The following DLG2 variants were observed in gnomAD, a reference collection of about 807,000 sequenced individuals.
DLG2 encodes discs large MAGUK scaffold protein 2, also known as disks large homolog 2.
A neutral mutation model predicts 132.5 loss-of-function variants in DLG2; 45 were observed. That is an observed-to-expected ratio of 0.34 (90% CI 0.27 to 0.44). The LOEUF (loss-of-function observed/expected upper bound fraction) is 0.44. Ranked by LOEUF, DLG2 falls within the 20% of genes least tolerant of loss-of-function variation. The pLI is 1.00. For missense variants in DLG2, 1,045 were observed against 1,196.9 expected, an observed-to-expected ratio of 0.87 and a Z score of 1.87; for synonymous variants, 424 against 419.6, an observed-to-expected ratio of 1.01 and a Z score of -0.13.
chr11:84,015,194 T>C (rs1441221825), intron 11 of DLG2, among the ~76,000 whole-genome samples: 1 of 152,178 alleles, frequency 6.6e-6, no homozygotes, highest in Non-Finnish European at 1.5e-5. Context: ...CAGAGGCTAC[T>C]ATGGCTTAAT....
chr11:85,385,529 T>A (rs2086252512), intron 3 of DLG2, among the ~76,000 whole-genome samples: 1 of 152,170 alleles, frequency 6.6e-6, no homozygotes, highest in African/African-American at 2.4e-5. Context: ...GAAATTCCAA[T>A]CTAATGATAA....
rs114170819 is a variant in DLG2, at chr11:84,288,671, C to T, written c.520-37380G>A. On this transcript the variant is annotated intron_variant, in intron 7 of 27. Transcript: ENST00000376104. ...TGCATAGAGAATGCTAATGTATCAA[C>T]AGAAAAACCCCTAAATGAAACGAAA... Among the ~76,000 whole-genome samples the T allele has an allele frequency of 2.6e-3, 395 of 152,146 alleles. 1 individual carries two copies. Among genetic ancestry groups the T allele is most frequent in the African/African-American group, 9.0e-3 (375 of 41,526 alleles).
intron 9 of DLG2, among the ~76,000 whole-genome samples, chr11:84,158,057 G>C (rs1201483210): frequency 1.3e-5 from 2 of 150,410 alleles, no homozygotes; most frequent in African/African-American, 2.5e-5. Context: ...CTCTATTTGT[G>C]TTTTGTTTTT....
chr11:85,199,288 A>G (rs1253791524), intron 4 of DLG2, among the ~76,000 whole-genome samples: 5 of 152,204 alleles, frequency 3.3e-5, no homozygotes, highest in African/African-American at 1.2e-4. Flanking sequence ...GCAAGATAAG[A>G]CTGACACCAA....
intron 6 of DLG2, among the ~76,000 whole-genome samples, chr11:84,714,623 TTCTCTCTCTCTCTCTCTC>T (rs1284319609): frequency 1.9e-5 from 2 of 104,994 alleles, no homozygotes; most frequent in African/African-American, 8.5e-5. Context: ...CTCTTTCTCT[TTCTCTCTCTCTCTCTCTC>T]TCTCTTTCTC....
chr11:85,588,888 C>T (rs1565726472), intron 3 of DLG2, among the ~76,000 whole-genome samples: 1 of 152,134 alleles, frequency 6.6e-6, no homozygotes, highest in East Asian at 1.9e-4. Context: ...ACTGCCCCTT[C>T]CCCTAGGGAT....
At chr11:83,465,118 TTTATA>T (rs2090781344) in intron 26 of DLG2, among the ~76,000 whole-genome samples, 1 of 152,148 alleles carries the variant, frequency 6.6e-6, no homozygotes, top group Non-Finnish European at 1.5e-5. Context: ...GGAAAAACTC[TTTATA>T]TTATAATTTA....
At chr11:84,108,391 T>A (rs1441802568) in intron 9 of DLG2, among the ~76,000 whole-genome samples, 2 of 151,750 alleles carry the variant, frequency 1.3e-5, no homozygotes, top group Non-Finnish European at 2.9e-5. Context: ...AACAAAAAGA[T>A]GGTAAAGACA....
intron 6 of DLG2, among the ~76,000 whole-genome samples, chr11:84,586,046 G>T (rs1234983675): frequency 6.6e-6 from 1 of 151,946 alleles, no homozygotes; most frequent in Non-Finnish European, 1.5e-5. Flanking sequence ...AGCTACTTGG[G>T]TGGCTGAGGC....
intron 3 of DLG2, chr11:85,452,623 T>C (rs2092286656): frequency 5.0e-6 from 1 of 201,130 alleles, no homozygotes. Context: ...CTTGGGAGGA[T>C]GTGGACCATC....
chr11:85,047,913 TCTCA>T (rs1566730093), intron 6 of DLG2, among the ~76,000 whole-genome samples: 1 of 151,890 alleles, frequency 6.6e-6, no homozygotes. Context: ...AAAATACAAT[TCTCA>T]CTAAGTGAGA....
intron 15 of DLG2, among the ~76,000 whole-genome samples, chr11:83,879,492 C>A (rs1179842391): frequency 6.6e-6 from 1 of 152,052 alleles, no homozygotes; most frequent in Non-Finnish European, 1.5e-5. Flanking sequence ...CTTAATATTT[C>A]TTTCTTCTCT....
At chr11:85,364,835 T>G (rs570507117) in intron 3 of DLG2, among the ~76,000 whole-genome samples, 1 of 152,334 alleles carries the variant, frequency 6.6e-6, no homozygotes, top group Non-Finnish European at 1.5e-5. Flanking sequence ...TAATTTAGTT[T>G]TATCACATAG....
At chr11:83,990,164 C>A (rs1431129172) in intron 11 of DLG2, among the ~76,000 whole-genome samples, 1 of 152,058 alleles carries the variant, frequency 6.6e-6, no homozygotes, top group Non-Finnish European at 1.5e-5. Context: ...GAAGTAAAAT[C>A]AGTGAATATT....
intron 7 of DLG2, among the ~76,000 whole-genome samples, chr11:84,375,662 C>G (rs893810979): frequency 6.7e-6 from 1 of 150,266 alleles, no homozygotes; most frequent in African/African-American, 2.5e-5. Context: ...GGAAGAGCAA[C>G]TGGAATATTT....
chr11:85,065,696 C>A (rs1011807029), intron 6 of DLG2, among the ~76,000 whole-genome samples: 3 of 150,930 alleles, frequency 2.0e-5, no homozygotes, highest in African/African-American at 7.3e-5. Context: ...GGAAATTAAA[C>A]AATCTGCTCC....
At chr11:85,519,573 G>A (rs1322883111) in intron 3 of DLG2, among the ~76,000 whole-genome samples, 1 of 152,190 alleles carries the variant, frequency 6.6e-6, no homozygotes, top group Non-Finnish European at 1.5e-5. Context: ...GAAGGGACTT[G>A]CCTTTTCTCA....
At chr11:84,640,705 G>A (rs1325813834) in intron 6 of DLG2, 1 of 172,384 alleles carries the variant, frequency 5.8e-6, no homozygotes, top group Non-Finnish European at 1.2e-5. Flanking sequence ...ACTTTGGGAG[G>A]CCAAGGCGTG....
intron 7 of DLG2, among the ~76,000 whole-genome samples, chr11:84,456,521 T>C (rs888671219): frequency 5.3e-5 from 8 of 151,506 alleles, no homozygotes; most frequent in African/African-American, 1.9e-4. Flanking sequence ...ATCTCCTAAC[T>C]GGTCACTGCT....
Sources: allele counts gnomAD v4.1 joint callset (sites outside exome capture counted in the v4.1 genomes callset), GRCh38; gene constraint gnomAD v4.1.1; transcripts MANE v1.5; gene names NCBI Gene and HGNC (gene_info 2026-07-23, HGNC 2026-07-21).